Variants in TMEM135 observed in about 807,000 individuals in gnomAD.
TMEM135 encodes the protein peroxisomal membrane protein 52.
TMEM135 carries 30 observed loss-of-function variants against 60.3 expected under a neutral mutation model. That is an observed-to-expected ratio of 0.50 (90% CI 0.37 to 0.68). The LOEUF (loss-of-function observed/expected upper bound fraction) is 0.68, where lower values mean the gene tolerates loss of function less well. Among genes scored for constraint, TMEM135 ranks in the 30% least tolerant of loss-of-function variants. The pLI is 0.00. For synonymous variants in TMEM135, 190 were observed against 186.7 expected (o/e 1.02, Z -0.14); for missense variants, 468 against 548.8 (o/e 0.85, Z 1.47).
At chr11:87,318,351 G>A in intron 13 of TMEM135, 116 bp downstream of exon 13, 1 of 817,726 alleles carries the variant, frequency 1.2e-6, no homozygotes, top group Non-Finnish European at 2.0e-6. Context: ...TACATTTTAA[G>A]CTTCTTTTTT....
intron 4 of TMEM135, among the ~76,000 whole-genome samples, chr11:87,109,933 A>T (rs1360166871): frequency 6.6e-6 from 1 of 152,164 alleles, no homozygotes; most frequent in Non-Finnish European, 1.5e-5. Flanking sequence ...ATATGAGTAA[A>T]TGTTATTGAC....
At chr11:87,162,141 C>T (rs1391682764) in intron 5 of TMEM135, among the ~76,000 whole-genome samples, 1 of 151,790 alleles carries the variant, frequency 6.6e-6, no homozygotes, top group Non-Finnish European at 1.5e-5. Context: ...AAATAAATGA[C>T]TAATTAAAGT....
At chr11:87,112,887 T>A (rs971976764) in intron 4 of TMEM135, among the ~76,000 whole-genome samples, 3 of 152,020 alleles carry the variant, frequency 2.0e-5, no homozygotes, top group African/African-American at 7.2e-5. Flanking sequence ...TAACATAAGT[T>A]TAACACTGAA....
chr11:87,192,483 G>C (rs1405633945), intron 5 of TMEM135, among the ~76,000 whole-genome samples: 1 of 152,038 alleles, frequency 6.6e-6, no homozygotes, highest in Non-Finnish European at 1.5e-5. Context: ...AAGTTTATCA[G>C]TTCTTTAAAG....
chr11:87,067,937 T>A, intron 2 of TMEM135, 116 bp downstream of exon 2: 1 of 1,292,410 alleles, frequency 7.7e-7, no homozygotes, highest in South Asian at 1.2e-5. Context: ...CTTTTTTTAA[T>A]CTGTGAAGTG....
At chr11:87,212,824 G>GA (rs60084755) in intron 5 of TMEM135, among the ~76,000 whole-genome samples, 10,449 of 105,348 alleles carry the variant, frequency 0.099, 690 homozygotes, top group African/African-American at 0.22. Flanking sequence ...CCTGATTTTG[G>GA]AAAAAAAAAA....
intron 6 of TMEM135, among the ~76,000 whole-genome samples, chr11:87,260,939 C>T (rs1051737685): frequency 3.3e-5 from 5 of 152,054 alleles, no homozygotes; most frequent in South Asian, 2.1e-4. Flanking sequence ...CTCTCCCAGG[C>T]GATGCTAGTT....
At chr11:87,220,933 A>AT (rs1446805782) in intron 5 of TMEM135, among the ~76,000 whole-genome samples, 4 of 152,188 alleles carry the variant, frequency 2.6e-5, no homozygotes, top group Admixed American at 6.5e-5. Flanking sequence ...CTATTTTAAA[A>AT]TAAAAATTAA....
intron 4 of TMEM135, among the ~76,000 whole-genome samples, chr11:87,141,534 T>G (rs1938261966): frequency 6.6e-6 from 1 of 152,196 alleles, no homozygotes; most frequent in Non-Finnish European, 1.5e-5. Context: ...TTGTAAAGTT[T>G]TATTGCTTCT....
At chr11:87,248,772 G>A (rs923251757) in intron 6 of TMEM135, among the ~76,000 whole-genome samples, 3 of 151,986 alleles carry the variant, frequency 2.0e-5, no homozygotes, top group African/African-American at 7.2e-5. Context: ...ATTTTTTGGT[G>A]TCCTCTTTAA....
intron 13 of TMEM135, among the ~76,000 whole-genome samples, 154 bp downstream of exon 13, chr11:87,318,389 A>G (rs1455890821): frequency 2.0e-5 from 3 of 151,894 alleles, no homozygotes; most frequent in Admixed American, 1.3e-4. Flanking sequence ...TTTCAGCAAG[A>G]TAGCTTACCA....
chr11:87,088,104 A>T (rs1367073563), intron 3 of TMEM135, among the ~76,000 whole-genome samples: 1 of 152,078 alleles, frequency 6.6e-6, no homozygotes, highest in African/African-American at 2.4e-5. Context: ...TGAATTGGGT[A>T]AATTCCTCTC....
intron 2 of TMEM135, among the ~76,000 whole-genome samples, chr11:87,070,422 A>G (rs1423033786): frequency 2.0e-5 from 3 of 151,988 alleles, no homozygotes; most frequent in Non-Finnish European, 4.4e-5. Flanking sequence ...AGGCAGATGG[A>G]TCATGAGGTC....
At chr11:87,116,511 A>G (rs1591030675) in intron 4 of TMEM135, among the ~76,000 whole-genome samples, 1 of 152,196 alleles carries the variant, frequency 6.6e-6, no homozygotes, top group East Asian at 1.9e-4. Flanking sequence ...GGAAAATTAT[A>G]ATTAAATTAT....
At chr11:87,266,959 C>T (rs1016345595) in intron 6 of TMEM135, among the ~76,000 whole-genome samples, 5 of 151,790 alleles carry the variant, frequency 3.3e-5, no homozygotes, top group African/African-American at 4.9e-5. Flanking sequence ...GTTTCATCTC[C>T]GGTTGGAGTT....
intron 5 of TMEM135, among the ~76,000 whole-genome samples, chr11:87,228,831 T>A (rs994879084): frequency 6.6e-6 from 1 of 152,234 alleles, no homozygotes; most frequent in African/African-American, 2.4e-5. Flanking sequence ...TTTAACAGGC[T>A]GTGTTTACCT....
At chr11:87,219,642 T>A (rs1353339401) in intron 5 of TMEM135, among the ~76,000 whole-genome samples, 2 of 152,142 alleles carry the variant, frequency 1.3e-5, no homozygotes, top group Non-Finnish European at 2.9e-5. Context: ...TGAGTTACTT[T>A]CCTAACAGCC....
intron 4 of TMEM135, among the ~76,000 whole-genome samples, chr11:87,111,343 T>C (rs749970991): frequency 2.0e-5 from 3 of 152,136 alleles, no homozygotes; most frequent in Non-Finnish European, 2.9e-5. Context: ...TTTTGTCTTC[T>C]ATGTCTATCT....
At chr11:87,076,110 T>C (rs1856866323) in intron 3 of TMEM135, among the ~76,000 whole-genome samples, 1 of 152,290 alleles carries the variant, frequency 6.6e-6, no homozygotes. Context: ...CAGCCAGGTT[T>C]TGTCCTTCCC....
Sources: gnomAD v4.1 joint callset for allele counts (sites outside exome capture counted in the v4.1 genomes callset) on GRCh38, gnomAD v4.1.1 for gene constraint, MANE v1.5 for transcripts, NCBI Gene and HGNC (gene_info 2026-07-23, HGNC 2026-07-21) for gene names.